Variants in GALNT1 observed in about 807,000 individuals in gnomAD.
GALNT1 encodes the protein GalNAc transferase 1.
In GALNT1, 17 loss-of-function variants were observed where a neutral mutation model predicts 65.7. That is an observed-to-expected ratio of 0.26 (90% CI 0.18 to 0.39). GALNT1 has a LOEUF of 0.39. Among genes scored for constraint, GALNT1 ranks in the 10% least tolerant of loss-of-function variants. The pLI, the probability that GALNT1 is intolerant of heterozygous loss-of-function variation, is 1.00. For missense variants in GALNT1, 460 were observed against 672.8 expected (o/e 0.68, Z 3.50); for synonymous variants, 210 against 219.7 (o/e 0.96, Z 0.39).
intron 2 of GALNT1, among the ~76,000 whole-genome samples, chr18:35,655,234 A>T (rs1192331929): frequency 6.6e-6 from 1 of 152,114 alleles, no homozygotes; most frequent in South Asian, 2.1e-4. Flanking sequence ...GATAGATGTG[A>T]TCTGTAGAAG....
At position 35,583,709 on chromosome 18, in the gene GALNT1, CCAA is replaced by C. The variant is rs1036434785; in HGVS notation, c.-104+1857_-104+1859del. 3.3e-5 allele frequency among the ~76,000 whole-genome samples: 5 copies of C among 152,196 alleles called. No homozygotes were observed. The South Asian group carries it at 8.3e-4, about 25-fold the overall frequency. ...GACCCTGTCTCAAAAAACTGAAAAC[CCAA>C]CAACAACAAAACTGATTGTTAATCC... On this transcript the variant is annotated intron_variant, in intron 1 of 11. Coordinates refer to ENST00000269195, the MANE Select transcript of GALNT1 (RefSeq NM_020474.4).
chr18:35,661,799 A>G (rs2047481562), intron 2 of GALNT1, among the ~76,000 whole-genome samples: 1 of 152,102 alleles, frequency 6.6e-6, no homozygotes. Context: ...AAAAACACAG[A>G]TGGTATATGT....
chr18:35,622,393 A>G (rs2046864372), intron 1 of GALNT1, among the ~76,000 whole-genome samples: 1 of 152,144 alleles, frequency 6.6e-6, no homozygotes, highest in East Asian at 1.9e-4. Flanking sequence ...CTGGGACTAT[A>G]AGCACATGCC....
intron 3 of GALNT1, among the ~76,000 whole-genome samples, chr18:35,669,988 A>C (rs569904158): frequency 5.8e-4 from 89 of 152,342 alleles, no homozygotes; most frequent in African/African-American, 2.0e-3. Context: ...TTAGAGGATT[A>C]GAATAAAAAA....
chr18:35,683,343 A>C (rs759161779), intron 4 of GALNT1, 48 bp from the exon 5 acceptor site: 3 of 1,455,668 alleles, frequency 2.1e-6, no homozygotes, highest in South Asian at 1.2e-5. Flanking sequence ...TCATCTGAAT[A>C]GTGCCAGGCC....
intron 11 of GALNT1, 100 bp from the exon 12 acceptor site, chr18:35,709,523 CA>C (rs112143274): frequency 5.5e-5 from 67 of 1,212,474 alleles, no homozygotes; most frequent in South Asian, 8.8e-5. Context: ...TGTATATTAC[CA>C]AAAAAAACAC....
At chr18:35,692,103 G>T in intron 8 of GALNT1, 78 bp from the exon 9 acceptor site, 1 of 1,280,310 alleles carries the variant, frequency 7.8e-7, no homozygotes, top group Non-Finnish European at 1.1e-6. Context: ...GATTCATCTG[G>T]CTTATTAGAT....
chr18:35,595,480 A>C (rs2046493902), intron 1 of GALNT1, among the ~76,000 whole-genome samples: 1 of 152,182 alleles, frequency 6.6e-6, no homozygotes, highest in Admixed American at 6.5e-5. Flanking sequence ...TTAAACTTTT[A>C]ACAGTGGAAG....
chr18:35,658,960 T>G (rs1255595372), intron 2 of GALNT1, among the ~76,000 whole-genome samples: 1 of 152,130 alleles, frequency 6.6e-6, no homozygotes, highest in Non-Finnish European at 1.5e-5. Flanking sequence ...TCTGCCTGTT[T>G]CAGCCTCCCA....
chr18:35,606,674 T>C (rs1226564218), intron 1 of GALNT1, among the ~76,000 whole-genome samples: 1 of 152,128 alleles, frequency 6.6e-6, no homozygotes, highest in Non-Finnish European at 1.5e-5. Flanking sequence ...TACTTCTCAT[T>C]ATAGGAAGAC....
chr18:35,619,511 C>T (rs535335076), intron 1 of GALNT1, among the ~76,000 whole-genome samples: 46 of 152,152 alleles, frequency 3.0e-4, no homozygotes, highest in Non-Finnish European at 5.6e-4. Context: ...AAGTATGGCA[C>T]TGAGCTCTGG....
chr18:35,615,980 A>T (rs1000991303), intron 1 of GALNT1, among the ~76,000 whole-genome samples: 2 of 152,218 alleles, frequency 1.3e-5, no homozygotes, highest in Admixed American at 6.5e-5. Flanking sequence ...GTTGTAGTGC[A>T]AAAGCAGCTG....
At chr18:35,654,466 A>G in intron 1 of GALNT1, 94 bp from the exon 2 acceptor site, 1 of 189,608 alleles carries the variant, frequency 5.3e-6, no homozygotes, top group East Asian at 1.3e-4. Context: ...AATAATTCAT[A>G]TTACTTAATG....
intron 1 of GALNT1, chr18:35,591,613 A>G (rs754677542): frequency 6.5e-6 from 1 of 153,902 alleles, no homozygotes. Flanking sequence ...AGTTTGGGAA[A>G]GATTGAGAGG....
At position 35,663,695 on chromosome 18, in the gene GALNT1, A is replaced by G. The variant is rs2047507861; in HGVS notation, c.207A>G (p.Lys69=). ...TGGGGAAACCAGTCGTCATTCCTAA[A>G]GAGGATCAAGAAAAGATGAAAGAGA... ...GEMGKPVVIP[K]EDQEKMKEMF... is the part of the protein sequence containing the mutation. The change falls in exon 3 of 12, where the codon AAA becomes AAG. Residue 69 remains lysine (K), a synonymous_variant. Transcript: ENST00000269195. 27 of 1,613,970 alleles carry G rather than the reference A, an allele frequency of 1.7e-5. No individual in the cohort carries two copies. The highest frequency in any genetic ancestry group is 2.3e-5 in the Non-Finnish European group (27 of 1,179,960).
chr18:35,607,164 TA>T (rs1211256326), intron 1 of GALNT1, among the ~76,000 whole-genome samples: 1 of 151,924 alleles, frequency 6.6e-6, no homozygotes, highest in African/African-American at 2.4e-5. Context: ...GCCCTGAGTC[TA>T]ACACAGTGCC....
At chr18:35,653,256 G>A (rs754079) in intron 1 of GALNT1, among the ~76,000 whole-genome samples, 1 of 152,208 alleles carries the variant, frequency 6.6e-6, no homozygotes, top group African/African-American at 2.4e-5. Flanking sequence ...AGCCCCTAGA[G>A]AGATGAGCAT....
chr18:35,615,153 T>G (rs2046767328), intron 1 of GALNT1, among the ~76,000 whole-genome samples: 1 of 152,164 alleles, frequency 6.6e-6, no homozygotes, highest in Admixed American at 6.6e-5. Flanking sequence ...CAAGAATGGC[T>G]AAGACATTCC....
chr18:35,598,848 C>G (rs2046540005), intron 1 of GALNT1, among the ~76,000 whole-genome samples: 1 of 152,290 alleles, frequency 6.6e-6, no homozygotes, highest in African/African-American at 2.4e-5. Context: ...TTCCCACCAA[C>G]AGCATATAAG....
Sources: gnomAD v4.1 joint callset for allele counts (sites outside exome capture counted in the v4.1 genomes callset) on GRCh38, gnomAD v4.1.1 for gene constraint, MANE v1.5 for transcripts, NCBI Gene and HGNC (gene_info 2026-07-23, HGNC 2026-07-21) for gene names.